SGCZ: variants seen among roughly 807,000 people sequenced by gnomAD.
SGCZ encodes the protein zeta-sarcoglycan.
A neutral mutation model predicts 41.3 loss-of-function variants in SGCZ; 40 were observed. The observed-to-expected ratio is 0.97, with a 90% CI of 0.75 to 1.26. The LOEUF is 1.26. Ranked by LOEUF, SGCZ falls within the 50% of genes most tolerant of loss-of-function variation. SGCZ has a pLI of 0.00. For missense variants in SGCZ, 552 were observed against 369.8 expected, an observed-to-expected ratio of 1.49 and a Z score of -4.04; for synonymous variants, 206 against 137.5, an observed-to-expected ratio of 1.50 and a Z score of -3.49.
At chr8:14,519,666 T>G (rs1244045507) in intron 2 of SGCZ, among the ~76,000 whole-genome samples, 1 of 152,164 alleles carries the variant, frequency 6.6e-6, no homozygotes, top group Non-Finnish European at 1.5e-5. Flanking sequence ...TATATTTATG[T>G]CTTGAAAACT....
chr8:15,061,170 T>G (rs773537296), intron 1 of SGCZ, among the ~76,000 whole-genome samples: 1 of 138,834 alleles, frequency 7.2e-6, no homozygotes, highest in Admixed American at 6.9e-5. Flanking sequence ...TTAAATAGTG[T>G]GATAGTATTA....
At chr8:15,228,919 C>A (rs117528142) in intron 1 of SGCZ, among the ~76,000 whole-genome samples, 2,461 of 152,264 alleles carry the variant, frequency 0.016, 30 homozygotes, top group Middle Eastern at 0.031. Context: ...GCAGGCTGGG[C>A]ATGGTGGCTC....
chr8:14,451,033 C>G (rs186574031), intron 2 of SGCZ, among the ~76,000 whole-genome samples: 2 of 152,250 alleles, frequency 1.3e-5, no homozygotes, highest in African/African-American at 4.8e-5. Context: ...ACCAGGAGAG[C>G]AGAGGGTACT....
chr8:14,136,562 C>A (rs555757141), intron 5 of SGCZ, among the ~76,000 whole-genome samples: 6 of 152,264 alleles, frequency 3.9e-5, no homozygotes, highest in Admixed American at 1.3e-4. Flanking sequence ...CACAGCAGTC[C>A]CAGATCAAAC....
intron 3 of SGCZ, among the ~76,000 whole-genome samples, chr8:14,246,060 C>T (rs1249586946): frequency 6.6e-6 from 1 of 152,124 alleles, no homozygotes; most frequent in Non-Finnish European, 1.5e-5. Context: ...GGATCTAGAA[C>T]TAGAAATACC....
chr8:14,336,743 T>C (rs1431634317), intron 2 of SGCZ, among the ~76,000 whole-genome samples: 1 of 152,170 alleles, frequency 6.6e-6, no homozygotes, highest in Non-Finnish European at 1.5e-5. Context: ...CCTACTGTTT[T>C]CTGGATTTCA....
At chr8:14,189,625 T>C (rs1446454403) in intron 4 of SGCZ, among the ~76,000 whole-genome samples, 5 of 152,262 alleles carry the variant, frequency 3.3e-5, no homozygotes, top group Non-Finnish European at 5.9e-5. Flanking sequence ...AGCTCAGCCC[T>C]GACCACTGTC....
intron 1 of SGCZ, among the ~76,000 whole-genome samples, chr8:14,883,905 T>C (rs1410208289): frequency 3.9e-5 from 6 of 151,986 alleles, no homozygotes; most frequent in Non-Finnish European, 1.5e-5. Context: ...CATTTCTGTT[T>C]ACTGAAGTAA....
At chr8:14,357,733 A>C (rs2117121396) in intron 2 of SGCZ, among the ~76,000 whole-genome samples, 1 of 152,308 alleles carries the variant, frequency 6.6e-6, no homozygotes, top group East Asian at 1.9e-4. Flanking sequence ...GCAAATGGGT[A>C]ACATTATGAT....
intron 1 of SGCZ, among the ~76,000 whole-genome samples, chr8:15,113,156 C>A (rs1480047900): frequency 1.3e-5 from 2 of 150,804 alleles, no homozygotes; most frequent in African/African-American, 4.9e-5. Flanking sequence ...ATGCAGTGAG[C>A]CATAATCACG....
chr8:14,895,292 G>C (rs1053629911), intron 1 of SGCZ, among the ~76,000 whole-genome samples: 2 of 152,082 alleles, frequency 1.3e-5, no homozygotes, highest in African/African-American at 4.8e-5. Flanking sequence ...CTGATTGTTA[G>C]TGTACTCATC....
chr8:14,456,113 A>G (rs1382549178), intron 2 of SGCZ, among the ~76,000 whole-genome samples: 1 of 152,158 alleles, frequency 6.6e-6, no homozygotes, highest in Non-Finnish European at 1.5e-5. Flanking sequence ...AATTGTATAG[A>G]ATTTGCAGAG....
chr8:15,153,179 C>T (rs1422180772), intron 1 of SGCZ, among the ~76,000 whole-genome samples: 2 of 152,178 alleles, frequency 1.3e-5, no homozygotes, highest in African/African-American at 4.8e-5. Context: ...GAATCCATTA[C>T]ACATAACGGG....
At chr8:14,460,677 AT>A (rs1218219568) in intron 2 of SGCZ, among the ~76,000 whole-genome samples, 3 of 152,252 alleles carry the variant, frequency 2.0e-5, no homozygotes, top group African/African-American at 7.2e-5. Context: ...AAAGAAGTAG[AT>A]TTTGTCCCTG....
At chr8:14,781,468 A>G (rs1049857986) in intron 1 of SGCZ, among the ~76,000 whole-genome samples, 1 of 152,118 alleles carries the variant, frequency 6.6e-6, no homozygotes, top group Admixed American at 6.5e-5. Context: ...GACTCAAGCA[A>G]TCTGCCCATC....
At chr8:15,057,953 C>T (rs1411429988) in intron 1 of SGCZ, among the ~76,000 whole-genome samples, 3 of 152,196 alleles carry the variant, frequency 2.0e-5, no homozygotes, top group East Asian at 3.8e-4. Context: ...TGCCATAAGA[C>T]ACCTGAGCTT....
chr8:15,132,460 A>T (rs775770382), intron 1 of SGCZ, among the ~76,000 whole-genome samples: 4 of 152,212 alleles, frequency 2.6e-5, no homozygotes, highest in Non-Finnish European at 5.9e-5. Context: ...TAGGCAAGGC[A>T]TGAATGAATA....
chr8:14,191,288 C>T (rs1037421528), intron 4 of SGCZ, among the ~76,000 whole-genome samples: 7 of 147,934 alleles, frequency 4.7e-5, no homozygotes, highest in African/African-American at 1.9e-4. Flanking sequence ...CCATATGCTG[C>T]CTTTTCATTT....
chr8:14,439,050 A>G (rs1800170513), intron 2 of SGCZ, among the ~76,000 whole-genome samples: 1 of 152,006 alleles, frequency 6.6e-6, no homozygotes, highest in Non-Finnish European at 1.5e-5. Context: ...ACAGATGCCA[A>G]GTACTAACCC....
Sources: allele counts gnomAD v4.1 joint callset (sites outside exome capture counted in the v4.1 genomes callset), GRCh38; gene constraint gnomAD v4.1.1; transcripts MANE v1.5; gene names NCBI Gene and HGNC (gene_info 2026-07-23, HGNC 2026-07-21).